FRMPD4: variants seen among roughly 807,000 people sequenced by gnomAD.
FRMPD4 encodes FERM and PDZ domain-containing protein 4.
FRMPD4 carries 22 observed loss-of-function variants against 94.1 expected under a neutral mutation model. The observed-to-expected ratio is 0.23, with a 90% CI of 0.17 to 0.33. FRMPD4 has a LOEUF of 0.33. Among genes scored for constraint, FRMPD4 ranks in the 10% least tolerant of loss-of-function variants. FRMPD4 has a pLI of 1.00. For missense variants in FRMPD4, 1,111 were observed against 1,339.9 expected, an observed-to-expected ratio of 0.83 and a Z score of 2.67; for synonymous variants, 631 against 548.6, an observed-to-expected ratio of 1.15 and a Z score of -2.10.
chrX:11,924,285 G>A (rs930619659), intron 3 of FRMPD4, among the ~76,000 whole-genome samples: 10 of 111,967 alleles, frequency 8.9e-5, no homozygotes, highest in African/African-American at 2.9e-4. Context: ...TGACTGACTG[G>A]TGTCCCCGAA....
intron 1 of FRMPD4, among the ~76,000 whole-genome samples, chrX:12,249,693 G>A (rs1294729299): frequency 8.9e-6 from 1 of 111,834 alleles, no homozygotes; most frequent in African/African-American, 3.3e-5. Context: ...ATAACCAGAA[G>A]TATACTGAGA....
rs534342053 is a variant in FRMPD4, at chrX:12,705,580, A to C, written c.1197+1095A>C. Among the ~76,000 whole-genome samples, 15 of 111,207 alleles carry C rather than the reference A, an allele frequency of 1.3e-4. 1 individual carries two copies. The South Asian group carries it at 5.8e-3, about 43-fold the overall frequency. ...TTTCAACACACTATCAGCCACCTTT[A>C]ACTCACTTCCCAATTTCATGGGAAG... On this transcript the variant is annotated intron_variant, in intron 11 of 16. Coordinates refer to ENST00000675598, the MANE Select transcript of FRMPD4 (RefSeq NM_001368397.1).
chrX:12,586,075 C>A (rs2058926238), intron 2 of FRMPD4, among the ~76,000 whole-genome samples: 1 of 112,631 alleles, frequency 8.9e-6, no homozygotes, highest in Non-Finnish European at 1.9e-5. Flanking sequence ...AAGAAATATG[C>A]ATTGTAGAAA....
chrX:11,861,714 T>A (rs189485595), intron 1 of FRMPD4, among the ~76,000 whole-genome samples: 5 of 111,998 alleles, frequency 4.5e-5, no homozygotes, highest in Admixed American at 9.5e-5. Context: ...TAAAGTCCCA[T>A]AGAGGTTCTA....
At chrX:11,969,904 T>A (rs904986682) in intron 3 of FRMPD4, among the ~76,000 whole-genome samples, 1 of 111,388 alleles carries the variant, frequency 9.0e-6, no homozygotes, top group Admixed American at 9.5e-5. Context: ...CCAGCTCTCA[T>A]GGGACTATGC....
intron 3 of FRMPD4, among the ~76,000 whole-genome samples, chrX:12,067,685 C>T (rs755854303): frequency 4.5e-5 from 5 of 110,752 alleles, no homozygotes; most frequent in East Asian, 5.7e-4. Flanking sequence ...CAAAGTGCTG[C>T]GATTACAGGC....
At chrX:12,047,474 T>G (rs1450116573) in intron 3 of FRMPD4, among the ~76,000 whole-genome samples, 1 of 111,858 alleles carries the variant, frequency 8.9e-6, no homozygotes, top group African/African-American at 3.2e-5. Context: ...TATATGTGTG[T>G]GTACATACCA....
chrX:12,167,856 A>T (rs1358347060), intron 1 of FRMPD4, among the ~76,000 whole-genome samples: 1 of 112,261 alleles, frequency 8.9e-6, no homozygotes, highest in African/African-American at 3.2e-5. Flanking sequence ...TTTGTCTTCC[A>T]GGAATAAAAA....
At chrX:12,481,470 G>A (rs1250817870) in intron 1 of FRMPD4, among the ~76,000 whole-genome samples, 1 of 111,009 alleles carries the variant, frequency 9.0e-6, no homozygotes, top group African/African-American at 3.3e-5. Context: ...ATTGACCCTT[G>A]AACAACTCAG....
At chrX:12,019,011 C>T (rs2054618881) in intron 3 of FRMPD4, among the ~76,000 whole-genome samples, 2 of 111,562 alleles carry the variant, frequency 1.8e-5, no homozygotes, top group Non-Finnish European at 3.8e-5. Context: ...ACTCCCACCA[C>T]GTTGTAGAGT....
chrX:12,416,187 TTCC>T (rs2148074836), intron 1 of FRMPD4, among the ~76,000 whole-genome samples: 1 of 109,813 alleles, frequency 9.1e-6, no homozygotes, highest in South Asian at 3.9e-4. Context: ...TCTTCCGCCC[TTCC>T]TCCTCCTTTC....
At chrX:11,914,412 A>G (rs1309910345) in intron 3 of FRMPD4, among the ~76,000 whole-genome samples, 1 of 109,182 alleles carries the variant, frequency 9.2e-6, no homozygotes, top group African/African-American at 3.3e-5. Flanking sequence ...AAAAAGGAGT[A>G]CTGAGCAGCA....
chrX:12,036,453 A>G (rs857535), intron 3 of FRMPD4, among the ~76,000 whole-genome samples: 44,555 of 110,888 alleles, frequency 0.4, 6,573 homozygotes, highest in East Asian at 0.71. Flanking sequence ...AAAATTGAAC[A>G]AGAAAAAAAG....
chrX:12,126,001 G>C (rs2147542808), intron 3 of FRMPD4, among the ~76,000 whole-genome samples: 1 of 112,203 alleles, frequency 8.9e-6, no homozygotes, highest in South Asian at 3.7e-4. Context: ...CCCATCCTGA[G>C]AGTCCAAGGG....
intron 1 of FRMPD4, among the ~76,000 whole-genome samples, chrX:12,351,447 GGA>G (rs911176156): frequency 2.7e-5 from 3 of 111,167 alleles, no homozygotes; most frequent in African/African-American, 9.8e-5. Context: ...TTCAACTGGG[GGA>G]CAACCTAGTG....
intron 4 of FRMPD4, among the ~76,000 whole-genome samples, chrX:12,655,502 CA>C (rs1182331498): frequency 8.9e-6 from 1 of 112,077 alleles, no homozygotes; most frequent in African/African-American, 3.2e-5. Context: ...TCCAACATAT[CA>C]TGCTGCCATG....
At position 12,716,388 on chromosome X, in the gene FRMPD4, G is replaced by A; in HGVS notation, c.1929G>A (p.Gln643=). ...LSGPETLKKA[Q]ESPRGAKVSF... Reference sequence around the variant, plus strand: ...GACCAGAAACTCTGAAGAAAGCACAGGAATCTCCGAGAGGAGCTAAAGTGT... The same window carrying A: ...GACCAGAAACTCTGAAGAAAGCACAAGAATCTCCGAGAGGAGCTAAAGTGT... The change falls in exon 15 of 17, where the codon CAG becomes CAA. Residue 643 remains glutamine (Q), a synonymous_variant. Transcript: ENST00000675598. 1 of 1,211,041 alleles carries A rather than the reference G, an allele frequency of 8.3e-7. No individual in the cohort carries two copies. Among genetic ancestry groups the A allele is most frequent in the Non-Finnish European group, 1.1e-6 (1 of 894,819 alleles).
intron 1 of FRMPD4, among the ~76,000 whole-genome samples, chrX:12,335,681 G>A (rs1217633635): frequency 1.8e-5 from 2 of 111,204 alleles, no homozygotes; most frequent in African/African-American, 6.5e-5. Context: ...AGGAGACTGA[G>A]TATACTAGTT....
At chrX:12,360,999 A>T (rs1274527219) in intron 1 of FRMPD4, among the ~76,000 whole-genome samples, 1 of 109,187 alleles carries the variant, frequency 9.2e-6, no homozygotes, top group Non-Finnish European at 1.9e-5. Flanking sequence ...AACCCTGCAG[A>T]CCTAAAGGAA....
Sources: gnomAD v4.1 joint callset for allele counts (sites outside exome capture counted in the v4.1 genomes callset) on GRCh38, gnomAD v4.1.1 for gene constraint, MANE v1.5 for transcripts, NCBI Gene and HGNC (gene_info 2026-07-23, HGNC 2026-07-21) for gene names.